The following GRID2 variants were observed in gnomAD, a reference collection of about 807,000 sequenced individuals.
The protein encoded by GRID2 is glutamate receptor ionotropic, delta-2.
GRID2 carries 33 observed loss-of-function variants against 114.8 expected under a neutral mutation model. The observed-to-expected ratio is 0.29, with a 90% CI of 0.22 to 0.38. The LOEUF (loss-of-function observed/expected upper bound fraction) is 0.38. Ranked by LOEUF, GRID2 falls within the 10% of genes least tolerant of loss-of-function variation. GRID2 has a pLI of 1.00. For synonymous variants in GRID2, 505 were observed against 449.9 expected, an observed-to-expected ratio of 1.12 and a Z score of -1.55; for missense variants, 1,184 against 1,257.7, an observed-to-expected ratio of 0.94 and a Z score of 0.89.
At chr4:92,504,054 C>T (rs761590927) in intron 1 of GRID2, among the ~76,000 whole-genome samples, 10 of 151,950 alleles carry the variant, frequency 6.6e-5, no homozygotes, top group Non-Finnish European at 1.0e-4. Context: ...TTGTCAACTA[C>T]GTAAAGCAGA....
At chr4:92,815,783 T>C (rs2149382259) in intron 2 of GRID2, among the ~76,000 whole-genome samples, 1 of 149,994 alleles carries the variant, frequency 6.7e-6, no homozygotes, top group East Asian at 2.0e-4. Flanking sequence ...TAACTGGGCA[T>C]TGTGGTGTGT....
intron 8 of GRID2, among the ~76,000 whole-genome samples, chr4:93,322,660 C>A (rs1757362062): frequency 6.6e-6 from 1 of 152,206 alleles, no homozygotes; most frequent in Admixed American, 6.5e-5. Flanking sequence ...TAGAGTCCCA[C>A]TAACAGTGAA....
intron 2 of GRID2, among the ~76,000 whole-genome samples, chr4:93,035,879 G>A: frequency 6.6e-6 from 1 of 152,116 alleles, no homozygotes; most frequent in East Asian, 1.9e-4. Context: ...TTACTCCTTG[G>A]TAGCCAGTTA....
intron 2 of GRID2, among the ~76,000 whole-genome samples, chr4:92,660,792 G>T (rs147903447): frequency 6.6e-6 from 1 of 150,944 alleles, no homozygotes; most frequent in South Asian, 2.1e-4. Context: ...TATTGAACTA[G>T]ATTTAAATTA....
intron 1 of GRID2, among the ~76,000 whole-genome samples, chr4:92,305,304 ATCT>A (rs1022554138): frequency 1.3e-5 from 2 of 152,092 alleles, no homozygotes; most frequent in African/African-American, 2.4e-5. Flanking sequence ...CTCTTCTCAC[ATCT>A]TCTTGGCTTT....
chr4:93,747,660 T>A (rs573308227), intron 14 of GRID2, among the ~76,000 whole-genome samples: 302 of 152,290 alleles, frequency 2.0e-3, no homozygotes, highest in African/African-American at 6.9e-3. Flanking sequence ...TACATATCTA[T>A]TGTTCAAGTA....
At chr4:92,429,698 A>G (rs1410151751) in intron 1 of GRID2, among the ~76,000 whole-genome samples, 1 of 152,110 alleles carries the variant, frequency 6.6e-6, no homozygotes, top group Non-Finnish European at 1.5e-5. Flanking sequence ...TGGCTGTACT[A>G]ATGTAATTTA....
chr4:93,043,232 A>G (rs1389122339), intron 2 of GRID2, among the ~76,000 whole-genome samples: 1 of 152,288 alleles, frequency 6.6e-6, no homozygotes, highest in East Asian at 1.9e-4. Context: ...CAGAAATCAA[A>G]CTGCAGTTTA....
At chr4:93,126,666 C>A (rs112081014) in intron 4 of GRID2, among the ~76,000 whole-genome samples, 1 of 123,560 alleles carries the variant, frequency 8.1e-6, no homozygotes, top group Non-Finnish European at 1.6e-5. Flanking sequence ...GGCGCGATCT[C>A]GGCTCACTGC....
intron 1 of GRID2, among the ~76,000 whole-genome samples, chr4:92,499,761 C>T (rs543955526): frequency 1.1e-4 from 17 of 152,200 alleles, no homozygotes; most frequent in East Asian, 5.8e-4. Flanking sequence ...ATTACAGGGA[C>T]GCACCACCAT....
At chr4:92,979,000 G>C (rs1560764627) in intron 2 of GRID2, among the ~76,000 whole-genome samples, 2 of 152,110 alleles carry the variant, frequency 1.3e-5, no homozygotes, top group East Asian at 3.9e-4. Context: ...CAGCCCTGGT[G>C]GCTGAGAGAG....
chr4:93,132,384 T>A (rs1734884739), intron 4 of GRID2, among the ~76,000 whole-genome samples: 1 of 152,180 alleles, frequency 6.6e-6, no homozygotes. Context: ...CTTGACACAA[T>A]TGCAAAGATC....
chr4:93,432,831 A>G (rs113799834), intron 10 of GRID2, among the ~76,000 whole-genome samples: 2 of 152,022 alleles, frequency 1.3e-5, no homozygotes, highest in African/African-American at 4.8e-5. Context: ...GGAGGCCAAG[A>G]TGGGAGGATC....
intron 2 of GRID2, among the ~76,000 whole-genome samples, chr4:92,930,044 C>T (rs1007501115): frequency 6.6e-6 from 1 of 151,068 alleles, no homozygotes; most frequent in East Asian, 1.9e-4. Flanking sequence ...CCTTGCCCAC[C>T]ACAGAAGAAG....
At chr4:93,373,649 T>C (rs949255927) in intron 8 of GRID2, among the ~76,000 whole-genome samples, 9 of 152,208 alleles carry the variant, frequency 5.9e-5, no homozygotes, top group African/African-American at 2.2e-4. Context: ...TTTGCTGTAA[T>C]AGTTATCCCC....
At chr4:93,156,239 TTAA>T (rs1318367264) in intron 4 of GRID2, among the ~76,000 whole-genome samples, 2 of 151,844 alleles carry the variant, frequency 1.3e-5, no homozygotes, top group Admixed American at 6.6e-5. Flanking sequence ...TATTTACCTC[TTAA>T]TAAAAGAAAA....
chr4:93,316,339 A>G (rs6844997), intron 8 of GRID2, among the ~76,000 whole-genome samples: 3,958 of 54,998 alleles, frequency 0.072, 215 homozygotes, highest in African/African-American at 0.21. Flanking sequence ...AAAGAAAGAA[A>G]GAAGGAAGGA....
intron 2 of GRID2, among the ~76,000 whole-genome samples, chr4:92,617,037 CT>C (rs1730034854): frequency 6.6e-6 from 1 of 151,260 alleles, no homozygotes; most frequent in Non-Finnish European, 1.5e-5. Flanking sequence ...CATTTCAAAA[CT>C]TTATTATTTG....
intron 2 of GRID2, among the ~76,000 whole-genome samples, chr4:92,708,870 T>TCACA (rs909198311): frequency 1.2e-4 from 19 of 152,034 alleles, no homozygotes; most frequent in African/African-American, 4.6e-4. Flanking sequence ...TGAGCTGAGA[T>TCACA]CACACCATTG....
Sources: gnomAD v4.1 joint callset for allele counts (sites outside exome capture counted in the v4.1 genomes callset) on GRCh38, gnomAD v4.1.1 for gene constraint, MANE v1.5 for transcripts, NCBI Gene and HGNC (gene_info 2026-07-23, HGNC 2026-07-21) for gene names.